SEMA4D: variants seen among roughly 807,000 people sequenced by gnomAD.
The protein encoded by SEMA4D is semaphorin-4D.
A neutral mutation model predicts 74.8 loss-of-function variants in SEMA4D; 22 were observed. The ratio of observed to expected loss-of-function variants is 0.29; its 90% CI spans 0.21 to 0.42. The LOEUF is 0.42. SEMA4D is among the 10% of genes least tolerant of loss of function. The pLI is 1.00. For missense variants in SEMA4D, 937 were observed against 1,118.4 expected (o/e 0.84, Z 2.31); for synonymous variants, 445 against 463.7 (o/e 0.96, Z 0.52).
At chr9:89,428,418 G>A (rs1407921212) in intron 2 of SEMA4D, among the ~76,000 whole-genome samples, 1 of 152,262 alleles carries the variant, frequency 6.6e-6, no homozygotes, top group African/African-American at 2.4e-5. Context: ...CCATGCCCCA[G>A]CCACCAGAGA....
intron 2 of SEMA4D, among the ~76,000 whole-genome samples, chr9:89,426,956 T>G (rs890167258): frequency 6.6e-6 from 1 of 152,194 alleles, no homozygotes; most frequent in African/African-American, 2.4e-5. Context: ...GCCACACCTG[T>G]GCCCTAGGTC....
chr9:89,427,504 T>C, intron 2 of SEMA4D, among the ~76,000 whole-genome samples: 1 of 151,108 alleles, frequency 6.6e-6, no homozygotes, highest in Admixed American at 6.6e-5. Flanking sequence ...ACTGAAGGAG[T>C]CAAGCAAACC....
At chr9:89,443,241 G>A (rs931900046) in intron 2 of SEMA4D, among the ~76,000 whole-genome samples, 4 of 152,178 alleles carry the variant, frequency 2.6e-5, no homozygotes, top group African/African-American at 7.2e-5. Flanking sequence ...GCCGGGTCGC[G>A]AGGTGCTCTG....
intron 2 of SEMA4D, among the ~76,000 whole-genome samples, chr9:89,434,980 C>A (rs1038821443): frequency 6.8e-6 from 1 of 147,154 alleles, no homozygotes; most frequent in Non-Finnish European, 1.5e-5. Flanking sequence ...TTAGGTGAAG[C>A]CTTTGAATGC....
chr9:89,390,530 C>T (rs573209700), intron 9 of SEMA4D, among the ~76,000 whole-genome samples: 97 of 152,292 alleles, frequency 6.4e-4, no homozygotes, highest in South Asian at 4.4e-3. Flanking sequence ...CACTTTTGTG[C>T]GCCATAGGCA....
chr9:89,366,941 T>C (rs1022817229), intron 16 of SEMA4D, among the ~76,000 whole-genome samples: 28 of 152,248 alleles, frequency 1.8e-4, no homozygotes, highest in African/African-American at 5.5e-4. Flanking sequence ...CTAAGCTGGA[T>C]TGGATTAATC....
chr9:89,366,101 G>C (rs925781578), intron 16 of SEMA4D, among the ~76,000 whole-genome samples: 8 of 152,190 alleles, frequency 5.3e-5, no homozygotes, highest in Non-Finnish European at 1.2e-4. Context: ...GTCCAAGAAG[G>C]GGGCCACAAG....
rs748678141 is a variant in SEMA4D at position 89,378,991 on chromosome 9, G to A, written c.2302C>T (p.Arg768Cys). ...TTCTTCCCAATTAGTAGGGCCGAGC[G>A]GAATTTCAAGCACTGTCTGGGCAGG... ...GYLPRQCLKF[R>C]SALLIGKKKP... is the part of the protein sequence containing the mutation. Residue 768 changes from arginine to cysteine, a missense_variant, in exon 16 of 16, where the codon CGC (arginine) becomes TGC (cysteine). Physicochemically the swap from Arg to Cys is radical, Grantham distance 180. Transcript: ENST00000422704. 6.2e-6 allele frequency: 10 copies of A among 1,613,170 alleles called. No homozygotes were observed. The highest frequency in any genetic ancestry group is 2.2e-5 in the East Asian group (1 of 44,864).
intron 2 of SEMA4D, among the ~76,000 whole-genome samples, chr9:89,420,364 G>A (rs542003045): frequency 9.9e-4 from 150 of 152,264 alleles, no homozygotes; most frequent in African/African-American, 3.3e-3. Context: ...TACTCATCAT[G>A]CTGTTTTAAC....
In SEMA4D at chr9:89,362,054, G is replaced by A. The variant is rs1588041220; in HGVS notation, c.*348C>T. ...GATCAGCCTTCAGAGCCTGCTGCCT[G>A]ACCGTAGAGGAGGAACCTGCACACA... On this transcript the variant is annotated 3_prime_UTR_variant, in exon 19 of 19. Coordinates refer to the SEMA4D transcript ENST00000339861. The A allele has an allele frequency of 8.9e-6, 4 of 451,664 alleles. No homozygotes were observed. In the South Asian group the frequency reaches 1.1e-4, roughly 13 times the overall value. The allele number at this position is 451,664 out of a possible 1,614,324, so 28.0% of individuals were successfully genotyped here.
At chr9:89,372,367 A>T (rs1397499008), downstream of SEMA4D, among the ~76,000 whole-genome samples, 1 of 47,068 alleles carries the variant, frequency 2.1e-5, no homozygotes, top group African/African-American at 8.9e-5. Flanking sequence ...TGTGTCTGGG[A>T]TGTGGTGTCT....
At chr9:89,478,334 A>T (rs932035996) in intron 1 of SEMA4D, among the ~76,000 whole-genome samples, 3 of 152,138 alleles carry the variant, frequency 2.0e-5, no homozygotes, top group Admixed American at 2.0e-4. Flanking sequence ...ACGCCATGTG[A>T]TGTTGGAGCA....
At chr9:89,448,826 C>T (rs187729073) in intron 2 of SEMA4D, among the ~76,000 whole-genome samples, 5 of 152,300 alleles carry the variant, frequency 3.3e-5, no homozygotes, top group South Asian at 2.1e-4. Flanking sequence ...AGGACTCCAG[C>T]GTGTGTCCTG....
In SEMA4D at chr9:89,381,739, C is replaced by A; in HGVS notation, c.1447-393G>T. ...ACTCCCGGTCATCTTCCCGGCCTCA[C>A]TATAGGTGAGAAGGGGCTGCAGCCA... On this transcript the variant is annotated intron_variant, in intron 13 of 15. Coordinates refer to ENST00000422704, the MANE Select transcript of SEMA4D (RefSeq NM_001371194.2). The surrounding 1 kb of genome is among the most constrained non-coding windows in gnomAD (Gnocchi z 4.6). 1 of 165,342 alleles carries A rather than the reference C, an allele frequency of 6.0e-6. No homozygotes were observed. Among genetic ancestry groups the A allele is most frequent in the Admixed American group, 6.2e-5 (1 of 16,112 alleles). 10.2% of individuals were successfully genotyped at this position (165,342 alleles called of 1,614,324 possible). A position where few individuals can be genotyped will look rare whatever the true frequency, so the allele number is the denominator to read the frequency against.
At chr9:89,396,859 T>C in intron 5 of SEMA4D, 24 bp from the exon 6 acceptor site, 1 of 1,597,380 alleles carries the variant, frequency 6.3e-7, no homozygotes, top group Non-Finnish European at 8.6e-7. Flanking sequence ...AAATGCACCA[T>C]TAGCAACCGT....
intron 1 of SEMA4D, among the ~76,000 whole-genome samples, chr9:89,473,958 T>C (rs562435734): frequency 5.5e-4 from 84 of 152,288 alleles, no homozygotes; most frequent in African/African-American, 2.0e-3. Flanking sequence ...TGACAGAAAT[T>C]TGAGTTCCCT....
chr9:89,406,584 T>TA (rs1026611194), intron 2 of SEMA4D, among the ~76,000 whole-genome samples: 11 of 152,344 alleles, frequency 7.2e-5, no homozygotes, highest in African/African-American at 2.6e-4. Flanking sequence ...CAAGGGCGTC[T>TA]AGCACCTTGA....
At chr9:89,481,313 C>T (rs1191088731) in intron 1 of SEMA4D, among the ~76,000 whole-genome samples, 1 of 152,234 alleles carries the variant, frequency 6.6e-6, no homozygotes, top group African/African-American at 2.4e-5. Context: ...CAGCAAGCAA[C>T]AGGAGCTGGT....
Position 89,389,066 on chromosome 9 carries a change from G to A in SEMA4D, c.775-19C>T. 1 of 1,613,624 alleles carries A rather than the reference G, an allele frequency of 6.2e-7. No individual in the cohort carries two copies. Among genetic ancestry groups the A allele is most frequent in the African/African-American group, 1.3e-5 (1 of 75,044 alleles). On this transcript the variant is annotated intron_variant, in intron 9 of 15. Transcript: ENST00000422704. The stretch of plus-strand genomic sequence containing the variant: ...GGTCCCCCTAAAACCCCAACAAGAA[G>A]ACGTGGTGGGCCGAGAGTGGATCCC...
Sources: allele counts gnomAD v4.1 joint callset (sites outside exome capture counted in the v4.1 genomes callset), GRCh38; gene constraint gnomAD v4.1.1; non-coding constraint Gnocchi (gnomAD v3.1); transcripts MANE v1.5; gene names NCBI Gene and HGNC (gene_info 2026-07-23, HGNC 2026-07-21).